Variants in ERI3 observed in about 807,000 individuals in gnomAD.
ERI3 encodes the protein ERI1 exoribonuclease family member 3, also known as ERI1 exoribonuclease 3.
ERI3 carries 18 observed loss-of-function variants against 44.4 expected under a neutral mutation model. The observed-to-expected ratio is 0.41, with a 90% CI of 0.28 to 0.60. The LOEUF (loss-of-function observed/expected upper bound fraction) is 0.60. Among genes scored for constraint, ERI3 ranks in the 20% least tolerant of loss-of-function variants. The probability of loss-of-function intolerance (pLI) is 0.36; values close to 1 mark genes in which losing one functional copy is unlikely to be tolerated. For synonymous variants in ERI3, 183 were observed against 164.8 expected (o/e 1.11, Z -0.84); for missense variants, 294 against 435.5 (o/e 0.68, Z 2.89).
At chr1:44,282,493 T>C (rs996542235) in intron 7 of ERI3, among the ~76,000 whole-genome samples, 1 of 152,154 alleles carries the variant, frequency 6.6e-6, no homozygotes, top group Non-Finnish European at 1.5e-5. Flanking sequence ...GGCAATGACC[T>C]CTCTGGCTTT....
chr1:44,341,768 T>C (rs1646658863), intron 2 of ERI3, among the ~76,000 whole-genome samples: 3 of 152,028 alleles, frequency 2.0e-5, no homozygotes, highest in Admixed American at 2.0e-4. Flanking sequence ...TGCATGCCTG[T>C]AGTCCCAGCT....
chr1:44,258,709 G>C (rs991840286), intron 7 of ERI3, among the ~76,000 whole-genome samples: 5 of 152,178 alleles, frequency 3.3e-5, no homozygotes, highest in Admixed American at 2.0e-4. Context: ...CCCAGGGAAG[G>C]TGTAGGCTAG....
In ERI3 at chr1:44,352,845, C is replaced by T. The variant is rs1646923764; in HGVS notation, c.211+5G>A. 6.2e-7 allele frequency: 1 copy of T among 1,613,986 alleles called. No individual in the cohort carries two copies. The highest frequency in any genetic ancestry group is 1.3e-5 in the African/African-American group (1 of 74,906). Reference sequence around the variant, plus strand: ...CCAGACTTGACCATGCAACAGGATTCTCACCTCTCCTTACTTCGAAGATGC... The same window carrying T: ...CCAGACTTGACCATGCAACAGGATTTTCACCTCTCCTTACTTCGAAGATGC... On this transcript the variant is annotated splice_donor_5th_base_variant and intron_variant, in intron 2 of 8. Transcript: ENST00000372257.
At position 44,354,667 on chromosome 1, in the gene ERI3, T is replaced by C. The variant is rs146324808; in HGVS notation, c.135+225A>G. ...TCTCTAGTCAAACCTTTTTCTTCTC[T>C]AGTAATCCCAGTAAGTCAACCCCCT... is the stretch of plus-strand genomic sequence containing the variant. On this transcript the variant is annotated intron_variant, in intron 1 of 8. Coordinates refer to ENST00000372257, the MANE Select transcript of ERI3 (RefSeq NM_024066.3). The C allele has an allele frequency of 3.3e-4, 321 of 985,412 alleles. 1 individual carries two copies. The African/African-American group carries it at 5.3e-3, about 16-fold the overall frequency. The allele number at this position is 985,412 out of a possible 1,614,324, so 61.0% of individuals were successfully genotyped here. A position where few individuals can be genotyped will look rare whatever the true frequency, so the allele number is the denominator to read the frequency against.
At chr1:44,242,404 G>C (rs895279860) in intron 8 of ERI3, among the ~76,000 whole-genome samples, 1 of 152,232 alleles carries the variant, frequency 6.6e-6, no homozygotes, top group Non-Finnish European at 1.5e-5. Context: ...CTCTAGTTGA[G>C]CCAGAAAGTC....
At chr1:44,284,114 G>A (rs1645344498) in intron 7 of ERI3, 1 of 469,042 alleles carries the variant, frequency 2.1e-6, no homozygotes, top group South Asian at 1.6e-5. Context: ...CTAGTGGACT[G>A]GGCCTCCTGG....
chr1:44,310,951 TCG>T (rs141114785), intron 5 of ERI3, among the ~76,000 whole-genome samples: 18 of 95,026 alleles, frequency 1.9e-4, no homozygotes, highest in Non-Finnish European at 3.1e-4. Flanking sequence ...TATGTGCACA[TCG>T]CGCGCGCGCG....
chr1:44,226,685 G>C (rs1342820995), intron 8 of ERI3, among the ~76,000 whole-genome samples: 1 of 151,724 alleles, frequency 6.6e-6, no homozygotes. Context: ...ATTTGGATGA[G>C]TTAAGTCATA....
intron 5 of ERI3, among the ~76,000 whole-genome samples, chr1:44,309,702 C>G (rs1025674716): frequency 1.3e-5 from 2 of 151,010 alleles, no homozygotes; most frequent in African/African-American, 2.4e-5. Context: ...GTAGCTGGGA[C>G]TACAGGCGCC....
chr1:44,243,253 C>A (rs1379740320), intron 8 of ERI3, among the ~76,000 whole-genome samples: 1 of 152,208 alleles, frequency 6.6e-6, no homozygotes, highest in South Asian at 2.1e-4. Context: ...TCAGTGGGAT[C>A]CTTCTCCATC....
chr1:44,316,583 C>T (rs1275532098), intron 4 of ERI3, among the ~76,000 whole-genome samples: 1 of 152,216 alleles, frequency 6.6e-6, no homozygotes, highest in African/African-American at 2.4e-5. Flanking sequence ...TTATCTCCAA[C>T]ACAATCGTAT....
intron 8 of ERI3, among the ~76,000 whole-genome samples, chr1:44,239,330 G>A (rs1164686127): frequency 6.6e-6 from 1 of 152,196 alleles, no homozygotes; most frequent in African/African-American, 2.4e-5. Flanking sequence ...GCAAGACTCT[G>A]CATTATCTCC....
rs1198112114 is a variant in ERI3, at chr1:44,228,387, G to A, written c.932-6747C>T. On this transcript the variant is annotated intron_variant, in intron 8 of 8. Coordinates refer to ENST00000372257, the MANE Select transcript of ERI3 (RefSeq NM_024066.3). This position sits in a 1 kb window ranked among gnomAD's most constrained non-coding sequence, Gnocchi z 4.3. Reference sequence around the variant, plus strand: ...AATAAGCGCGCTCCAAATAATTAGCGTGTTTTACGTAATAATGAAATTACA... The same window carrying A: ...AATAAGCGCGCTCCAAATAATTAGCATGTTTTACGTAATAATGAAATTACA... Among the ~76,000 whole-genome samples, 7 of 152,124 alleles carry A rather than the reference G, an allele frequency of 4.6e-5. No individual in the cohort carries two copies. Among genetic ancestry groups the A allele is most frequent in the South Asian group, 2.1e-4 (1 of 4,832 alleles).
intron 2 of ERI3, among the ~76,000 whole-genome samples, chr1:44,342,833 ATATATATATATATATATATATATAT>A (rs1557867654): frequency 1.5e-4 from 4 of 27,102 alleles, no homozygotes; most frequent in African/African-American, 1.8e-4. Flanking sequence ...ATATATATAT[ATATATATATATATATATATATATAT>A]TTTTTTTTTT....
At chr1:44,257,742 C>T (rs984663998) in intron 7 of ERI3, among the ~76,000 whole-genome samples, 4 of 152,224 alleles carry the variant, frequency 2.6e-5, no homozygotes, top group African/African-American at 7.2e-5. Context: ...CCTCTGACAG[C>T]TCCTAACAGC....
chr1:44,282,211 T>C (rs2154323165), intron 7 of ERI3, among the ~76,000 whole-genome samples: 1 of 152,174 alleles, frequency 6.6e-6, no homozygotes, highest in East Asian at 1.9e-4. Context: ...CTTCTCAGAT[T>C]AGAGGTCTTA....
At chr1:44,315,664 T>C (rs161724) in intron 4 of ERI3, among the ~76,000 whole-genome samples, 148,205 of 152,340 alleles carry the variant, frequency 0.97, 72,120 homozygotes, top group Middle Eastern at 1. Context: ...CATTTGTGGC[T>C]CAGTAAAGCA....
At chr1:44,245,193 C>T (rs566600773) in intron 8 of ERI3, among the ~76,000 whole-genome samples, 4 of 152,254 alleles carry the variant, frequency 2.6e-5, no homozygotes, top group South Asian at 4.1e-4. Context: ...TTAAAGCTGT[C>T]TCTTTGGTGC....
intron 1 of ERI3, chr1:44,354,549 A>G: frequency 1.0e-6 from 1 of 985,388 alleles, no homozygotes; most frequent in Non-Finnish European, 1.2e-6. Flanking sequence ...CAGATTTACA[A>G]AGAGGTAAAC....
Sources: gnomAD v4.1 joint callset for allele counts (sites outside exome capture counted in the v4.1 genomes callset) on GRCh38, gnomAD v4.1.1 for gene constraint, Gnocchi (gnomAD v3.1) non-coding constraint, MANE v1.5 for transcripts, NCBI Gene and HGNC (gene_info 2026-07-23, HGNC 2026-07-21) for gene names.